CCDC148: variants seen among roughly 807,000 people sequenced by gnomAD.
CCDC148 encodes the protein coiled-coil domain-containing protein 148.
Under a neutral mutation model 85.7 loss-of-function variants are expected in CCDC148, and 89 were observed. The ratio of observed to expected loss-of-function variants is 1.04; its 90% CI spans 0.87 to 1.24. The LOEUF (loss-of-function observed/expected upper bound fraction) is 1.24, where lower values mean the gene tolerates loss of function less well. CCDC148 is among the 50% of genes most tolerant of loss of function. The pLI is 0.00. For missense variants in CCDC148, 692 were observed against 671.7 expected (o/e 1.03, Z -0.33); for synonymous variants, 230 against 213.9 (o/e 1.08, Z -0.66).
chr2:158,281,716 C>T (rs1466416104), intron 9 of CCDC148, among the ~76,000 whole-genome samples: 1 of 152,170 alleles, frequency 6.6e-6, no homozygotes, highest in Non-Finnish European at 1.5e-5. Context: ...GAACTGGTAC[C>T]ATTCCTTCTG....
intron 11 of CCDC148, among the ~76,000 whole-genome samples, chr2:158,185,016 A>T (rs553010310): frequency 1.3e-5 from 2 of 152,158 alleles, no homozygotes; most frequent in South Asian, 4.1e-4. Flanking sequence ...TCAAGACAAA[A>T]CCAGTTACAA....
chr2:158,323,919 C>CTTT lies in CCDC148; in HGVS notation c.765-10028_765-10026dup, dbSNP rs777356867. 7.2e-4 allele frequency among the ~76,000 whole-genome samples: 60 copies of CTTT among 82,972 alleles called. 2 individuals carry two copies. Among genetic ancestry groups the CTTT allele is most frequent in the Non-Finnish European group, 9.1e-4 (38 of 41,616 alleles). The allele number at this position is 82,972 out of a possible 152,430, so 54.4% of individuals were successfully genotyped here. A position where few individuals can be genotyped will look rare whatever the true frequency, so the allele number is the denominator to read the frequency against. ...GTCTAATTTCACCACCTGGGAATAA[C>CTTT]TTTTTTTTTTTTTTTTTTTTTTTTT... On this transcript the variant is annotated intron_variant, in intron 7 of 13. Transcript: ENST00000283233.
intron 1 of CCDC148, among the ~76,000 whole-genome samples, chr2:158,451,592 A>G (rs948926890): frequency 7.2e-5 from 11 of 152,252 alleles, no homozygotes; most frequent in African/African-American, 2.6e-4. Context: ...TCTACCCTGA[A>G]AAAACAATTA....
intron 1 of CCDC148, among the ~76,000 whole-genome samples, chr2:158,386,576 AT>A (rs1052124866): frequency 6.6e-6 from 1 of 152,068 alleles, no homozygotes; most frequent in Non-Finnish European, 1.5e-5. Context: ...AGCTTGAATA[AT>A]TTTTTTCCCA....
At chr2:158,329,883 T>C (rs941338452) in intron 7 of CCDC148, among the ~76,000 whole-genome samples, 1 of 152,216 alleles carries the variant, frequency 6.6e-6, no homozygotes, top group African/African-American at 2.4e-5. Context: ...TTGCCGAAGT[T>C]ACCTATTAGC....
intron 9 of CCDC148, among the ~76,000 whole-genome samples, chr2:158,292,352 C>G (rs965970127): frequency 6.6e-6 from 1 of 152,154 alleles, no homozygotes; most frequent in Non-Finnish European, 1.5e-5. Flanking sequence ...ATATGCTCCA[C>G]TAGGTGGAAA....
intron 11 of CCDC148, among the ~76,000 whole-genome samples, chr2:158,198,987 G>A (rs959560881): frequency 1.3e-5 from 2 of 152,168 alleles, no homozygotes; most frequent in Non-Finnish European, 2.9e-5. Flanking sequence ...TGAAAAACCA[G>A]AGGCAGGGAC....
intron 9 of CCDC148, 43 bp from the exon 10 acceptor site, chr2:158,250,955 T>G: frequency 6.4e-7 from 1 of 1,553,072 alleles, no homozygotes; most frequent in Non-Finnish European, 8.7e-7. Flanking sequence ...CTATGCACAC[T>G]GAAGTTATTT....
intron 9 of CCDC148, among the ~76,000 whole-genome samples, chr2:158,287,803 C>T (rs1353356858): frequency 6.6e-6 from 1 of 152,228 alleles, no homozygotes; most frequent in African/African-American, 2.4e-5. Context: ...CCTTTTCTCA[C>T]AGCTCCATTA....
chr2:158,278,138 C>T (rs371394134), intron 9 of CCDC148, among the ~76,000 whole-genome samples: 66 of 151,826 alleles, frequency 4.3e-4, no homozygotes, highest in African/African-American at 9.7e-4. Context: ...AAAATAAAAC[C>T]GGAGGAGCCA....
chr2:158,358,704 T>C (rs1399124188), intron 1 of CCDC148, 134 bp from the exon 2 acceptor site: 1 of 392,024 alleles, frequency 2.6e-6, no homozygotes, highest in Admixed American at 4.7e-5. Context: ...AAATAATATA[T>C]TACAATATTA....
intron 9 of CCDC148, among the ~76,000 whole-genome samples, chr2:158,253,294 C>T (rs968418254): frequency 6.6e-6 from 1 of 151,506 alleles, no homozygotes. Flanking sequence ...CAACAAATGC[C>T]CCCCTTTGAT....
intron 1 of CCDC148, among the ~76,000 whole-genome samples, chr2:158,445,457 G>A (rs1477537123): frequency 1.3e-5 from 2 of 152,092 alleles, no homozygotes; most frequent in African/African-American, 2.4e-5. Flanking sequence ...GATAATCACC[G>A]TGTCTGAGAT....
intron 11 of CCDC148, among the ~76,000 whole-genome samples, chr2:158,179,584 G>A (rs1443182942): frequency 1.3e-5 from 2 of 152,064 alleles, no homozygotes; most frequent in African/African-American, 4.8e-5. Flanking sequence ...CCTGAGAGGT[G>A]ACTGGCTCAC....
At chr2:158,400,638 A>G (rs1448800011) in intron 1 of CCDC148, among the ~76,000 whole-genome samples, 5 of 152,220 alleles carry the variant, frequency 3.3e-5, no homozygotes, top group African/African-American at 4.8e-5. Context: ...CATTCAGGAC[A>G]TAGGTATGGG....
At chr2:158,283,736 G>C (rs1222948884) in intron 9 of CCDC148, among the ~76,000 whole-genome samples, 1 of 151,678 alleles carries the variant, frequency 6.6e-6, no homozygotes. Context: ...CAGGGATCTA[G>C]AACTAGAAAT....
chr2:158,333,677 A>G (rs1177644826), intron 7 of CCDC148, among the ~76,000 whole-genome samples: 1 of 152,094 alleles, frequency 6.6e-6, no homozygotes, highest in Non-Finnish European at 1.5e-5. Context: ...CTCTAAGAAC[A>G]TGCTTTAGGA....
At chr2:158,286,975 T>C (rs1690657307) in intron 9 of CCDC148, among the ~76,000 whole-genome samples, 1 of 152,156 alleles carries the variant, frequency 6.6e-6, no homozygotes, top group Non-Finnish European at 1.5e-5. Flanking sequence ...GATGTTTAAT[T>C]GGACTTACAG....
At chr2:158,179,030 C>T in intron 11 of CCDC148, 34 bp from the exon 12 acceptor site, 3 of 1,500,564 alleles carry the variant, frequency 2.0e-6, no homozygotes, top group Non-Finnish European at 2.8e-6. Flanking sequence ...GTTGTGGAAG[C>T]ATCATAATAA....
Sources: gnomAD v4.1 joint callset for allele counts (sites outside exome capture counted in the v4.1 genomes callset) on GRCh38, gnomAD v4.1.1 for gene constraint, MANE v1.5 for transcripts, NCBI Gene and HGNC (gene_info 2026-07-23, HGNC 2026-07-21) for gene names.